ZSWIM4: variants seen among roughly 807,000 people sequenced by gnomAD.
ZSWIM4 encodes the protein zinc finger SWIM-type containing 4, also known as zinc finger SWIM domain-containing protein 4.
Under a neutral mutation model 102.5 loss-of-function variants are expected in ZSWIM4, and 62 were observed. The ratio of observed to expected loss-of-function variants is 0.60; its 90% CI spans 0.49 to 0.75. The LOEUF is 0.75. Ranked by LOEUF, ZSWIM4 falls within the 30% of genes least tolerant of loss-of-function variation. The pLI is 0.00. For missense variants in ZSWIM4, 1,280 were observed against 1,529.6 expected (o/e 0.84, Z 2.72); for synonymous variants, 652 against 674.5 (o/e 0.97, Z 0.52).
chr19:13,803,166 A>G (rs113439714), intron 2 of ZSWIM4, among the ~76,000 whole-genome samples: 31,027 of 152,230 alleles, frequency 0.2, 3,263 homozygotes, highest in African/African-American at 0.25. Flanking sequence ...TTGCTGGGAC[A>G]TGGCCCCGCT....
chr19:13,809,681 A>G lies in ZSWIM4; in HGVS notation c.1012+461A>G, dbSNP rs1975020998. ...TTTTTTGAAGAGACAGAGTCTCACT[A>G]TCTTGCCAAGTCTGGTCTTGAACTC... is the stretch of plus-strand genomic sequence containing the variant. On this transcript the variant is annotated intron_variant, in intron 5 of 13. Transcript: ENST00000590508. The surrounding 1 kb of genome is among the most constrained non-coding windows in gnomAD (Gnocchi z 4.2). Among the ~76,000 whole-genome samples the G allele has an allele frequency of 1.3e-5, 2 of 152,128 alleles. No individual in the cohort carries two copies. The highest frequency in any genetic ancestry group is 2.1e-4 in the South Asian group (1 of 4,830).
rs776504497 is a variant in ZSWIM4 at position 13,809,193 on chromosome 19, A to C, written c.985A>C (p.Lys329Gln). 6.2e-7 allele frequency: 1 copy of C among 1,610,422 alleles called. No homozygotes were observed. Among genetic ancestry groups the C allele is most frequent in the Non-Finnish European group, 8.5e-7 (1 of 1,178,600 alleles). ...WRQQGAGMTD[K>Q]CRQLWDELGA... The stretch of plus-strand genomic sequence containing the variant: ...GCAGCAGGGCGCGGGCATGACGGAC[A>C]AGTGCCGGCAGCTCTGGGATGAGCT... The change falls in exon 5 of 14, where the codon AAG (lysine) becomes CAG (glutamine). Residue 329 changes from lysine to glutamine, a missense_variant. Lys to Gln is a moderately conservative substitution (Grantham distance 53). Transcript: ENST00000590508. The surrounding 1 kb of genome is among the most constrained non-coding windows in gnomAD (Gnocchi z 4.2).
In ZSWIM4 at chr19:13,799,835, C is replaced by T. The variant is rs747616589; in HGVS notation, c.269C>T (p.Pro90Leu). The change falls in exon 2 of 14, where the codon CCA (proline) becomes CTA (leucine). Residue 90 changes from proline to leucine, a missense_variant. Transcript: ENST00000590508. ...TACTCGTCGCTGGGTTACCCGCCCC[C>T]AGAGGGCGAGCACGATGCCCGGGTG... is the stretch of plus-strand genomic sequence containing the variant. ...CMYSSLGYPP[P>L]EGEHDARVPF... 4.3e-6 allele frequency: 7 copies of T among 1,613,892 alleles called. No homozygotes were observed. The South Asian group carries it at 7.7e-5, about 18-fold the overall frequency.
chr19:13,814,815 T>G lies in ZSWIM4; in HGVS notation c.1481T>G (p.Leu494Arg), dbSNP rs1466228047. 7.8e-7 allele frequency: 1 copy of G among 1,275,832 alleles called. No individual in the cohort carries two copies. The highest frequency in any genetic ancestry group is 1.5e-5 in the African/African-American group (1 of 65,448). 79.0% of individuals were successfully genotyped at this position (1,275,832 alleles called of 1,614,324 possible). Residue 494 changes from leucine to arginine, a missense_variant, in exon 7 of 14, where the codon CTC (leucine) becomes CGC (arginine). Transcript: ENST00000590508. ...CTGGCAAGTGCCATCATCAACACAC[T>G]CCGGCTGCAGCAGCGGCATCAGCTA... ...LRLASAIINT[L>R]RLQQRHQLES...
In ZSWIM4 at chr19:13,817,948, G is replaced by T; in HGVS notation, c.1896G>T (p.Leu632=). Residue 632 remains leucine (L), a synonymous_variant, in exon 9 of 14, where the codon CTG becomes CTT. Coordinates refer to ENST00000590508, the MANE Select transcript of ZSWIM4 (RefSeq NM_001367834.3). ...TGGATGAGCGGTTGGTGCAGGTGCT[G>T]CGCAAGCAGGCGGGGCTGCTGCTGG... ...VELDERLVQV[L]RKQAGLLLEG... is the part of the protein sequence containing the mutation. 6.5e-7 allele frequency: 1 copy of T among 1,527,292 alleles called. No individual in the cohort carries two copies. Among genetic ancestry groups the T allele is most frequent in the Non-Finnish European group, 8.8e-7 (1 of 1,135,026 alleles). The allele number at this position is 1,527,292 out of a possible 1,614,324, so 94.6% of individuals were successfully genotyped here.
intron 3 of ZSWIM4, among the ~76,000 whole-genome samples, chr19:13,808,487 G>A (rs185780810): frequency 2.9e-4 from 44 of 152,116 alleles, no homozygotes; most frequent in African/African-American, 9.6e-4. Flanking sequence ...TGTAATCCCA[G>A]CACTTTGGGA....
intron 9 of ZSWIM4, among the ~76,000 whole-genome samples, chr19:13,818,343 C>T (rs1040952497): frequency 6.6e-6 from 1 of 152,210 alleles, no homozygotes; most frequent in South Asian, 2.1e-4. Flanking sequence ...TGGCCAGGCC[C>T]TATTGACCTG....
At chr19:13,822,244 C>A (rs1169954460) in intron 10 of ZSWIM4, among the ~76,000 whole-genome samples, 9 of 150,856 alleles carry the variant, frequency 6.0e-5, no homozygotes, top group Admixed American at 5.9e-4. Flanking sequence ...GAAAGAACAG[C>A]CTGTAAGAGC....
chr19:13,826,658 G>A (rs546714982), intron 12 of ZSWIM4, among the ~76,000 whole-genome samples: 45 of 152,226 alleles, frequency 3.0e-4, no homozygotes, highest in African/African-American at 1.1e-3. Context: ...CCAGCTACTC[G>A]GGAGGTTGAG....
At chr19:13,814,991 T>A in intron 7 of ZSWIM4, 126 bp downstream of exon 7, 1 of 471,114 alleles carries the variant, frequency 2.1e-6, no homozygotes, top group East Asian at 1.2e-4. Flanking sequence ...ACAATGTCTC[T>A]ACAAAAATTA....
In ZSWIM4 at chr19:13,821,646, A is replaced by C. The variant is rs1975465416; in HGVS notation, c.2061-1700A>C. 2.0e-5 allele frequency among the ~76,000 whole-genome samples: 3 copies of C among 152,234 alleles called. No homozygotes were observed. The South Asian group carries it at 6.2e-4, about 32-fold the overall frequency. On this transcript the variant is annotated intron_variant, in intron 10 of 13. Coordinates refer to ENST00000590508, the MANE Select transcript of ZSWIM4 (RefSeq NM_001367834.3). ...TTCACAGCCTCATATACATGGGCTC[A>C]AAGGATCCTCCCACCTAAGCCTCCC...
chr19:13,812,210 A>G (rs986417711), intron 5 of ZSWIM4, among the ~76,000 whole-genome samples: 2 of 152,192 alleles, frequency 1.3e-5, no homozygotes, highest in Admixed American at 6.6e-5. Context: ...CCTGCATGAG[A>G]TGGTGATAAA....
Position 13,820,143 on chromosome 19 carries a change from C to T in ZSWIM4, c.2060+651C>T, listed in dbSNP as rs570269278. On this transcript the variant is annotated intron_variant, in intron 10 of 13. Coordinates refer to ENST00000590508, the MANE Select transcript of ZSWIM4 (RefSeq NM_001367834.3). ...CGAACTCCTGACCTCATGATCCACC[C>T]GCCTTGGCCTCCCAAAGTGCTAGGA... is the stretch of plus-strand genomic sequence containing the variant. 1.4e-4 allele frequency among the ~76,000 whole-genome samples: 21 copies of T among 152,182 alleles called. No individual in the cohort carries two copies. The South Asian group carries it at 3.3e-3, about 24-fold the overall frequency.
chr19:13,813,658 C>T (rs1386659078), intron 6 of ZSWIM4, among the ~76,000 whole-genome samples: 2 of 151,914 alleles, frequency 1.3e-5, no homozygotes, highest in African/African-American at 2.4e-5. Context: ...TGGTGTCTCA[C>T]GCCTGTAATC....
At position 13,830,780 on chromosome 19, in the gene ZSWIM4, G is replaced by A. The variant is rs1382415884; in HGVS notation, c.3051G>A (p.Arg1017=). 1 of 1,605,686 alleles carries A rather than the reference G, an allele frequency of 6.2e-7. No individual in the cohort carries two copies. Among genetic ancestry groups the A allele is most frequent in the Non-Finnish European group, 8.5e-7 (1 of 1,176,190 alleles). The change falls in exon 14 of 14, where the codon CGG becomes CGA. Residue 1017 remains arginine (R), a synonymous_variant. Coordinates refer to ENST00000590508, the MANE Select transcript of ZSWIM4 (RefSeq NM_001367834.3). The part of the protein sequence containing the change: ...APGLGPLGAR[R]AAKPLGADRA... ...GTCTGGGCCCCTTAGGGGCACGCCG[G>A]GCCGCCAAGCCACTGGGTGCCGACC...
In ZSWIM4 at chr19:13,795,637, C is replaced by G; in HGVS notation, c.-12C>G. The stretch of plus-strand genomic sequence containing the variant: ...AGAGGCCCCGCCCCGGCCCTGGCCC[C>G]GGCCGGGCCGGATGGAACCCCCCGC... On this transcript the variant is annotated 5_prime_UTR_variant, in exon 1 of 14. Coordinates refer to ENST00000590508, the MANE Select transcript of ZSWIM4 (RefSeq NM_001367834.3). The G allele has an allele frequency of 1.8e-6, 1 of 542,644 alleles. No individual in the cohort carries two copies. The highest frequency in any genetic ancestry group is 2.0e-5 in the African/African-American group (1 of 49,642). The allele number at this position is 542,644 out of a possible 1,614,324, so 33.6% of individuals were successfully genotyped here.
At chr19:13,799,982 TGGG>T (rs1314882901) in intron 2 of ZSWIM4, 61 bp downstream of exon 2, 1 of 1,531,382 alleles carries the variant, frequency 6.5e-7, no homozygotes, top group South Asian at 1.2e-5. Context: ...GGCCTGGAAA[TGGG>T]GGAGTTGGAG....
chr19:13,822,389 G>A (rs569025210), intron 10 of ZSWIM4, among the ~76,000 whole-genome samples: 1 of 152,110 alleles, frequency 6.6e-6, no homozygotes, highest in Admixed American at 6.5e-5. Flanking sequence ...TTTATAAACG[G>A]TTGAAAAAAA....
rs1038176876 is a variant in ZSWIM4, at chr19:13,825,875, C to T, written c.2379+162C>T. Reference sequence around the variant, plus strand: ...GTGGCTGGGGACTGAGCGAGAACCACTCTTGGGGCGGGGACTGTGAGTGAG... The same window carrying T: ...GTGGCTGGGGACTGAGCGAGAACCATTCTTGGGGCGGGGACTGTGAGTGAG... On this transcript the variant is annotated intron_variant, in intron 12 of 13. Coordinates refer to ENST00000590508, the MANE Select transcript of ZSWIM4 (RefSeq NM_001367834.3). This position sits in a 1 kb window ranked among gnomAD's most constrained non-coding sequence, Gnocchi z 4.6. 3.3e-5 allele frequency among the ~76,000 whole-genome samples: 5 copies of T among 152,214 alleles called. No homozygotes were observed. The highest frequency in any genetic ancestry group is 5.9e-5 in the Non-Finnish European group (4 of 68,038).
Sources: allele counts gnomAD v4.1 joint callset (sites outside exome capture counted in the v4.1 genomes callset), GRCh38; gene constraint gnomAD v4.1.1; non-coding constraint Gnocchi (gnomAD v3.1); transcripts MANE v1.5; gene names NCBI Gene and HGNC (gene_info 2026-07-23, HGNC 2026-07-21).